MIPOL1: variants seen among roughly 807,000 people sequenced by gnomAD.
MIPOL1 encodes the protein mirror-image polydactyly 1, also known as mirror-image polydactyly gene 1 protein.
Under a neutral mutation model 60.9 loss-of-function variants are expected in MIPOL1, and 57 were observed. That is an observed-to-expected ratio of 0.94 (90% CI 0.76 to 1.17). MIPOL1 has a LOEUF of 1.17. MIPOL1 is among the 50% of genes most tolerant of loss of function. MIPOL1 has a pLI of 0.00. For synonymous variants in MIPOL1, 179 were observed against 168.8 expected (o/e 1.06, Z -0.47); for missense variants, 551 against 511.6 (o/e 1.08, Z -0.74).
chr14:37,221,619 AAG>A (rs371201087), intron 1 of MIPOL1, among the ~76,000 whole-genome samples: 13 of 150,670 alleles, frequency 8.6e-5, no homozygotes, highest in East Asian at 1.9e-4. Flanking sequence ...ATTGTGGAGC[AAG>A]AGAGAGAGAG....
At chr14:37,317,826 T>G (rs2899857) in intron 9 of MIPOL1, among the ~76,000 whole-genome samples, 1 of 152,198 alleles carries the variant, frequency 6.6e-6, no homozygotes. Context: ...TAGGAAAAAA[T>G]CCCTAAATGA....
chr14:37,434,263 T>C (rs2094126575), intron 11 of MIPOL1, among the ~76,000 whole-genome samples: 1 of 152,198 alleles, frequency 6.6e-6, no homozygotes, highest in Admixed American at 6.5e-5. Context: ...TGGTTTTGAT[T>C]TGCATTTCTC....
At chr14:37,329,000 A>G (rs2089442123) in intron 9 of MIPOL1, among the ~76,000 whole-genome samples, 1 of 152,192 alleles carries the variant, frequency 6.6e-6, no homozygotes, top group African/African-American at 2.4e-5. Context: ...ATGAAAGTAC[A>G]AAGAGAGCGG....
chr14:37,223,411 C>T (rs1164367853), intron 1 of MIPOL1, among the ~76,000 whole-genome samples: 1 of 152,044 alleles, frequency 6.6e-6, no homozygotes, highest in Non-Finnish European at 1.5e-5. Flanking sequence ...GTTTGGGTCT[C>T]CTATCCTGGT....
In MIPOL1 at chr14:37,500,013, C is replaced by A; in HGVS notation, c.1137C>A (p.Ile379=). The change falls in exon 12 of 13, where the codon ATC becomes ATA. Residue 379 remains isoleucine (I), a synonymous_variant. Transcript: ENST00000684589. Reference sequence around the variant, plus strand: ...AAAACAGAGAGAACATTGTTTCCATCACTCAACAACAAAATGAGGAACTGG... The same window carrying A: ...AAAACAGAGAGAACATTGTTTCCATAACTCAACAACAAAATGAGGAACTGG... ...ALKNRENIVS[I]TQQQNEELAT... is the part of the protein sequence containing the mutation. 6.2e-7 allele frequency: 1 copy of A among 1,613,580 alleles called. No homozygotes were observed. The highest frequency in any genetic ancestry group is 8.5e-7 in the Non-Finnish European group (1 of 1,179,564).
chr14:37,485,037 C>G (rs930176299), intron 11 of MIPOL1, among the ~76,000 whole-genome samples: 3 of 152,108 alleles, frequency 2.0e-5, no homozygotes, highest in African/African-American at 7.2e-5. Flanking sequence ...TGCTGCCTTC[C>G]CTGTGTCCAT....
At chr14:37,290,521 C>T (rs1418506128) in intron 7 of MIPOL1, among the ~76,000 whole-genome samples, 1 of 152,080 alleles carries the variant, frequency 6.6e-6, no homozygotes, top group Non-Finnish European at 1.5e-5. Context: ...CCACCGTGCC[C>T]AGCTGTGAGT....
intron 12 of MIPOL1, 98 bp downstream of exon 12, chr14:37,500,236 A>G (rs1042787560): frequency 6.0e-6 from 5 of 839,920 alleles, no homozygotes; most frequent in African/African-American, 5.2e-5. Context: ...TGATCATGTT[A>G]ATAGTTTAGA....
At chr14:37,475,547 T>A (rs1167728657) in intron 11 of MIPOL1, among the ~76,000 whole-genome samples, 1 of 152,208 alleles carries the variant, frequency 6.6e-6, no homozygotes. Flanking sequence ...AGTTGTATAA[T>A]TTTTTGTTTT....
chr14:37,521,792 T>A (rs2095414413), intron 12 of MIPOL1, among the ~76,000 whole-genome samples: 1 of 151,652 alleles, frequency 6.6e-6, no homozygotes, highest in African/African-American at 2.4e-5. Flanking sequence ...AATGTTATTC[T>A]TAGTTGCTTG....
chr14:37,349,822 T>G (rs537241646), intron 9 of MIPOL1, among the ~76,000 whole-genome samples: 1 of 152,316 alleles, frequency 6.6e-6, no homozygotes, highest in South Asian at 2.1e-4. Context: ...TTTACCTAGC[T>G]TCTTAGATGC....
At chr14:37,362,060 T>C (rs1174129037) in intron 9 of MIPOL1, among the ~76,000 whole-genome samples, 2 of 152,188 alleles carry the variant, frequency 1.3e-5, no homozygotes, top group African/African-American at 4.8e-5. Flanking sequence ...CTTGACTCTA[T>C]CCAATTTGCC....
chr14:37,221,608 C>T (rs1395994357), intron 1 of MIPOL1, among the ~76,000 whole-genome samples: 1 of 152,142 alleles, frequency 6.6e-6, no homozygotes, highest in Non-Finnish European at 1.5e-5. Flanking sequence ...CACATCTTCA[C>T]ATTGTGGAGC....
intron 3 of MIPOL1, among the ~76,000 whole-genome samples, chr14:37,259,598 T>TAAGAA (rs1163826722): frequency 6.6e-6 from 1 of 151,848 alleles, no homozygotes; most frequent in Non-Finnish European, 1.5e-5. Context: ...AAGAAATCAC[T>TAAGAA]GTCTGTGCTT....
intron 9 of MIPOL1, among the ~76,000 whole-genome samples, chr14:37,328,369 A>G (rs1368102984): frequency 6.6e-6 from 1 of 152,132 alleles, no homozygotes; most frequent in Non-Finnish European, 1.5e-5. Context: ...AGTAGTTCAC[A>G]GTGTCACAGA....
chr14:37,546,572 A>G (rs1243705406), intron 12 of MIPOL1, among the ~76,000 whole-genome samples: 1 of 152,190 alleles, frequency 6.6e-6, no homozygotes, highest in African/African-American at 2.4e-5. Context: ...TCTACATTTA[A>G]TATGTGATCC....
chr14:37,446,548 A>G lies in MIPOL1; in HGVS notation c.1031+23599A>G, dbSNP rs549413877. On this transcript the variant is annotated intron_variant, in intron 11 of 12. Transcript: ENST00000684589. ...TCAGGGATCTAGAACTAGAAATACC[A>G]TTTGACCCAGCCATCCCATTACTGG... 3.1e-3 allele frequency among the ~76,000 whole-genome samples: 455 copies of G among 147,658 alleles called. 2 individuals are homozygous for G. Among genetic ancestry groups the G allele is most frequent in the Non-Finnish European group, 5.6e-3 (366 of 65,640 alleles).
chr14:37,250,289 T>C (rs577711182), intron 3 of MIPOL1, among the ~76,000 whole-genome samples: 17 of 152,282 alleles, frequency 1.1e-4, no homozygotes, highest in African/African-American at 3.6e-4. Flanking sequence ...GGCTTATGCC[T>C]GTAATCCCAG....
intron 1 of MIPOL1, among the ~76,000 whole-genome samples, chr14:37,223,409 C>A (rs1969156129): frequency 6.6e-6 from 1 of 151,996 alleles, no homozygotes; most frequent in Non-Finnish European, 1.5e-5. Context: ...GGGTTTGGGT[C>A]TCCTATCCTG....
Sources: allele counts gnomAD v4.1 joint callset (sites outside exome capture counted in the v4.1 genomes callset), GRCh38; gene constraint gnomAD v4.1.1; transcripts MANE v1.5; gene names NCBI Gene and HGNC (gene_info 2026-07-23, HGNC 2026-07-21).